USH2A: variants seen among roughly 807,000 people sequenced by gnomAD.
USH2A encodes usherin.
A neutral mutation model predicts 538.9 loss-of-function variants in USH2A; 443 were observed. The ratio of observed to expected loss-of-function variants is 0.82; its 90% confidence interval spans 0.76 to 0.89. USH2A has a LOEUF of 0.89. USH2A is among the 40% of genes least tolerant of loss of function. USH2A has a pLI of 0.00. For missense variants in USH2A, 6,633 were observed against 6,324.8 expected, an observed-to-expected ratio of 1.05 and a Z score of -1.65; for synonymous variants, 2,413 against 2,273.5, an observed-to-expected ratio of 1.06 and a Z score of -1.75.
intron 13 of USH2A, 35 bp from the exon 14 acceptor site, chr1:216,232,171 T>C (rs770123050): frequency 1.3e-6 from 2 of 1,576,226 alleles, no homozygotes; most frequent in Middle Eastern, 2.0e-4. Context: ...TTATATATAC[T>C]TTTTATCCAC....
chr1:215,813,335 C>G lies in USH2A; in HGVS notation c.9739+401G>C, dbSNP rs550687590. ...ATGAAATTTGCAGTTGCGATCTATC[C>G]AAGAACAATGCATGTGTAGTTCAGA... On this transcript the variant is annotated intron_variant, in intron 49 of 71. Transcript: ENST00000307340. 1.0e-3 allele frequency among the ~76,000 whole-genome samples: 152 copies of G among 152,178 alleles called. 1 individual carries two copies. Among genetic ancestry groups the G allele is most frequent in the Non-Finnish European group, 1.6e-4 (11 of 68,008 alleles).
chr1:216,313,873 G>A (rs12025020), intron 9 of USH2A, among the ~76,000 whole-genome samples: 1,718 of 152,212 alleles, frequency 0.011, 25 homozygotes, highest in East Asian at 0.036. Context: ...TGTGGCTGTT[G>A]AGAAATATAT....
At chr1:216,361,540 C>T (rs2038490552) in intron 4 of USH2A, among the ~76,000 whole-genome samples, 1 of 152,012 alleles carries the variant, frequency 6.6e-6, no homozygotes, top group South Asian at 2.1e-4. Flanking sequence ...TGGAAGACCT[C>T]CTATAAATTA....
chr1:216,164,884 G>A (rs926435244), intron 21 of USH2A, among the ~76,000 whole-genome samples: 1 of 152,138 alleles, frequency 6.6e-6, no homozygotes, highest in Non-Finnish European at 1.5e-5. Flanking sequence ...CCTTTACAGT[G>A]ATTGCATTGA....
chr1:216,143,145 C>A (rs1170733796), intron 21 of USH2A, among the ~76,000 whole-genome samples: 2 of 152,084 alleles, frequency 1.3e-5, no homozygotes, highest in African/African-American at 4.8e-5. Flanking sequence ...ATAAGTGTGC[C>A]TTCCCAAATG....
chr1:215,694,491 T>C (rs1242548313), intron 61 of USH2A, among the ~76,000 whole-genome samples: 3 of 152,290 alleles, frequency 2.0e-5, no homozygotes, highest in South Asian at 4.1e-4. Flanking sequence ...GAGAATGGCG[T>C]GAACCCGGGA....
In USH2A at chr1:216,380,154, A is replaced by T. The variant is rs1405357446; in HGVS notation, c.652-15069T>A. ...AGTAGATGACAGTAAATTGATAGGTACCGCAAAAGACGTTAGAAACAACAT... is the reference window on the plus strand; with the variant it reads ...AGTAGATGACAGTAAATTGATAGGTTCCGCAAAAGACGTTAGAAACAACAT... On this transcript the variant is annotated intron_variant, in intron 3 of 71. Transcript: ENST00000307340. Among the ~76,000 whole-genome samples the T allele has an allele frequency of 2.0e-5, 3 of 152,226 alleles. No homozygotes were observed. In the East Asian group the frequency reaches 5.8e-4, roughly 29 times the overall value.
chr1:216,201,040 CCTT>C (rs1418454495), intron 16 of USH2A, among the ~76,000 whole-genome samples: 1 of 136,064 alleles, frequency 7.3e-6, no homozygotes, highest in Non-Finnish European at 1.6e-5. Flanking sequence ...TTCCTTCCTT[CCTT>C]CCTTCCTTCC....
At chr1:216,136,959 T>G (rs895068688) in intron 21 of USH2A, among the ~76,000 whole-genome samples, 5 of 152,200 alleles carry the variant, frequency 3.3e-5, no homozygotes, top group African/African-American at 1.2e-4. Context: ...TAAACTTCTA[T>G]GGTTTAAGCT....
intron 20 of USH2A, among the ~76,000 whole-genome samples, chr1:216,188,169 C>T (rs971768132): frequency 6.6e-6 from 1 of 151,272 alleles, no homozygotes; most frequent in African/African-American, 2.4e-5. Flanking sequence ...GCACAGAGCA[C>T]CCAGGTACAT....
chr1:216,120,146 C>T (rs867648322), intron 21 of USH2A, among the ~76,000 whole-genome samples: 23 of 142,926 alleles, frequency 1.6e-4, no homozygotes, highest in Middle Eastern at 3.8e-3. Flanking sequence ...TGACTCTTGA[C>T]ATTTGACTAT....
intron 38 of USH2A, among the ~76,000 whole-genome samples, chr1:215,917,835 T>C (rs1476300510): frequency 6.8e-6 from 1 of 147,586 alleles, no homozygotes; most frequent in Non-Finnish European, 1.5e-5. Context: ...TGGTGGTGCA[T>C]GCCTGTATTG....
chr1:216,294,171 A>T (rs1422455839), intron 9 of USH2A, among the ~76,000 whole-genome samples: 1 of 152,092 alleles, frequency 6.6e-6, no homozygotes, highest in African/African-American at 2.4e-5. Context: ...ACAAAGCAAA[A>T]TTTTTTCCAT....
intron 21 of USH2A, among the ~76,000 whole-genome samples, chr1:216,120,316 T>G (rs1350016968): frequency 6.9e-6 from 1 of 144,474 alleles, no homozygotes; most frequent in East Asian, 2.1e-4. Flanking sequence ...GGATGGATCA[T>G]CTGAGGTCAG....
chr1:216,206,311 C>T (rs913872493), intron 16 of USH2A, among the ~76,000 whole-genome samples: 11 of 151,978 alleles, frequency 7.2e-5, no homozygotes, highest in Admixed American at 1.3e-4. Flanking sequence ...ACTTTTTTGG[C>T]CCCAGGGACT....
At chr1:216,220,732 G>T (rs2035440188) in intron 14 of USH2A, among the ~76,000 whole-genome samples, 1 of 152,112 alleles carries the variant, frequency 6.6e-6, no homozygotes, top group South Asian at 2.1e-4. Flanking sequence ...CTACCTTGGG[G>T]CAGTGGCAAG....
chr1:215,974,525 T>C (rs556357769), intron 35 of USH2A, among the ~76,000 whole-genome samples: 160 of 152,256 alleles, frequency 1.1e-3, no homozygotes, highest in Non-Finnish European at 1.9e-3. Context: ...TCAGGGTCTA[T>C]TGTCATCTTT....
intron 9 of USH2A, among the ~76,000 whole-genome samples, chr1:216,305,612 A>G (rs1286007137): frequency 6.6e-6 from 1 of 151,138 alleles, no homozygotes; most frequent in African/African-American, 2.4e-5. Context: ...GTCCTGTGAG[A>G]TTTATGCTTT....
intron 21 of USH2A, among the ~76,000 whole-genome samples, chr1:216,116,546 G>T (rs1487371213): frequency 6.6e-6 from 1 of 152,094 alleles, no homozygotes; most frequent in Non-Finnish European, 1.5e-5. Flanking sequence ...AACAATCTCA[G>T]TGGATCCCAA....
Sources: gnomAD v4.1 joint callset for allele counts (sites outside exome capture counted in the v4.1 genomes callset) on GRCh38, gnomAD v4.1.1 for gene constraint, MANE v1.5 for transcripts, NCBI Gene and HGNC (gene_info 2026-07-23, HGNC 2026-07-21) for gene names.